Variants in FBN1 observed in about 807,000 individuals in gnomAD.
FBN1 encodes fibrillin 1.
Under a neutral mutation model 365.1 loss-of-function variants are expected in FBN1, and 29 were observed. The observed-to-expected ratio is 0.08, with a 90% CI of 0.06 to 0.11. The LOEUF is 0.11. Ranked by LOEUF, FBN1 falls within the 10% of genes least tolerant of loss-of-function variation. The pLI is 1.00. For missense variants in FBN1, 2,476 were observed against 3,703.2 expected (o/e 0.67, Z 8.60); for synonymous variants, 1,210 against 1,270.5 (o/e 0.95, Z 1.01).
intron 17 of FBN1, 138 bp downstream of exon 17, chr15:48,503,649 C>G (rs1231533311): frequency 3.8e-6 from 4 of 1,053,226 alleles, no homozygotes; most frequent in South Asian, 1.3e-5. Context: ...CACTGGCTGG[C>G]CTCTGCCAAG....
chr15:48,449,024 G>A (rs557502083), intron 45 of FBN1, 131 bp from the exon 46 acceptor site: 2 of 757,402 alleles, frequency 2.6e-6, no homozygotes, highest in African/African-American at 3.5e-5. Flanking sequence ...ATTTATTTTT[G>A]CATCAAAATG....
At chr15:48,640,088 C>T (rs1890172188) in intron 2 of FBN1, among the ~76,000 whole-genome samples, 1 of 152,014 alleles carries the variant, frequency 6.6e-6, no homozygotes, top group Non-Finnish European at 1.5e-5. Flanking sequence ...TTTAAAATTC[C>T]AAATAAGGTT....
rs2043150977 is a variant in FBN1 at position 48,445,429 on chromosome 15, T to C, written c.5864A>G (p.Gln1955Arg). The C allele has an allele frequency of 1.2e-6, 2 of 1,612,860 alleles. No homozygotes were observed. The highest frequency in any genetic ancestry group is 1.7e-4 in the Middle Eastern group (1 of 6,054). ...GQCINTVGSF[Q>R]CQCNEGYEVA... is the part of the protein sequence containing the mutation. Reference sequence around the variant, plus strand: ...CTCATAGCCTTCATTGCACTGGCACTGGAAAGACCCCACTGTATTAATGCA... The same window carrying C: ...CTCATAGCCTTCATTGCACTGGCACCGGAAAGACCCCACTGTATTAATGCA... Residue 1955 changes from glutamine (Q) to arginine (R), a missense_variant, in exon 48 of 66, where the codon CAG becomes CGG. Coordinates refer to ENST00000316623, the MANE Select transcript of FBN1 (RefSeq NM_000138.5).
At position 48,421,655 on chromosome 15, in the gene FBN1, C is replaced by A. The variant is rs1392530685; in HGVS notation, c.7602G>T (p.Leu2534=). The A allele has an allele frequency of 6.2e-7, 1 of 1,613,880 alleles. No homozygotes were observed. The change falls in exon 62 of 66, where the codon CTG becomes CTT. Residue 2534 remains leucine, a synonymous_variant. Transcript: ENST00000316623. ...DNNECTSDIN[L]CGSKGICQNT... Reference sequence around the variant, plus strand: ...TCTGGCAAATGCCCTTAGACCCGCACAGATTGATGTCAGAGGTGCATTCAT... The same window carrying A: ...TCTGGCAAATGCCCTTAGACCCGCAAAGATTGATGTCAGAGGTGCATTCAT...
Position 48,445,157 on chromosome 15 carries a change from C to CAT in FBN1, c.5917+217_5917+218dup, listed in dbSNP as rs1023878846. On this transcript the variant is annotated intron_variant, in intron 48 of 65. Coordinates refer to ENST00000316623, the MANE Select transcript of FBN1 (RefSeq NM_000138.5). ...ATATACACACACACATATATATATA[C>CAT]ATATATATATACACACATATATATA... Among the ~76,000 whole-genome samples, 53 of 135,270 alleles carry CAT rather than the reference C, an allele frequency of 3.9e-4. 1 individual carries two copies. The highest frequency in any genetic ancestry group is 5.1e-4 in the South Asian group (2 of 3,944). The allele number at this position is 135,270 out of a possible 152,430, so 88.7% of individuals were successfully genotyped here. A position where few individuals can be genotyped will look rare whatever the true frequency, so the allele number is the denominator to read the frequency against.
intron 2 of FBN1, among the ~76,000 whole-genome samples, chr15:48,623,069 A>G (rs908128185): frequency 2.6e-5 from 4 of 152,190 alleles, no homozygotes; most frequent in African/African-American, 9.7e-5. Flanking sequence ...TTACTCCCAG[A>G]GTAATAAATT....
intron 2 of FBN1, among the ~76,000 whole-genome samples, chr15:48,637,983 A>C (rs1890124641): frequency 6.6e-6 from 1 of 151,718 alleles, no homozygotes; most frequent in Non-Finnish European, 1.5e-5. Context: ...TTTCAATAAA[A>C]CTCTATTTTC....
intron 6 of FBN1, among the ~76,000 whole-genome samples, chr15:48,581,486 C>T (rs906855768): frequency 9.2e-5 from 14 of 152,182 alleles, no homozygotes; most frequent in African/African-American, 3.4e-4. Context: ...CAGACTCCTT[C>T]AGGACCAGAT....
At chr15:48,580,453 T>G (rs1411977636) in intron 6 of FBN1, among the ~76,000 whole-genome samples, 1 of 152,146 alleles carries the variant, frequency 6.6e-6, no homozygotes, top group Non-Finnish European at 1.5e-5. Context: ...TTCAGCCAAG[T>G]ATTATCTTCT....
intron 64 of FBN1, among the ~76,000 whole-genome samples, chr15:48,413,794 T>C (rs2057477882): frequency 6.6e-6 from 1 of 152,234 alleles, no homozygotes; most frequent in South Asian, 2.1e-4. Flanking sequence ...GAACTAATTT[T>C]CCTATATACC....
chr15:48,442,816 T>C lies in FBN1; in HGVS notation c.6038-970A>G, dbSNP rs75233375. On this transcript the variant is annotated intron_variant, in intron 49 of 65. Transcript: ENST00000316623. ...CCTCCTGACTTTCAGCAGGAATTTT[T>C]AGTGAACAAAGTGGTAAGTCTTAAT... Among the ~76,000 whole-genome samples, 1,208 of 152,342 alleles carry C rather than the reference T, an allele frequency of 7.9e-3. 15 individuals are homozygous for C. The highest frequency in any genetic ancestry group is 0.028 in the African/African-American group (1,153 of 41,580).
chr15:48,441,586 CATT>C, intron 50 of FBN1, 132 bp downstream of exon 50: 1 of 1,103,934 alleles, frequency 9.1e-7, no homozygotes, highest in Non-Finnish European at 1.4e-6. Flanking sequence ...ATATGGTTAT[CATT>C]AGACCTCTGG....
chr15:48,556,258 A>C (rs1433287767), intron 6 of FBN1, among the ~76,000 whole-genome samples: 1 of 152,130 alleles, frequency 6.6e-6, no homozygotes, highest in Non-Finnish European at 1.5e-5. Context: ...TTCATGACTC[A>C]CCTTCAATTT....
intron 18 of FBN1, among the ~76,000 whole-genome samples, 186 bp from the exon 19 acceptor site, chr15:48,497,577 C>T (rs1246511670): frequency 6.6e-6 from 1 of 152,158 alleles, no homozygotes; most frequent in Admixed American, 6.5e-5. Context: ...TCCAATCTTT[C>T]TCCCACAAGT....
intron 13 of FBN1, among the ~76,000 whole-genome samples, chr15:48,511,919 T>G (rs1160382411): frequency 6.6e-6 from 1 of 152,224 alleles, no homozygotes; most frequent in African/African-American, 2.4e-5. Flanking sequence ...GACATTGATT[T>G]CATTTTATTT....
chr15:48,533,633 G>T (rs188400272), intron 8 of FBN1, among the ~76,000 whole-genome samples: 1 of 152,206 alleles, frequency 6.6e-6, no homozygotes, highest in African/African-American at 2.4e-5. Flanking sequence ...TGTACTAGGA[G>T]CATAAATATA....
intron 6 of FBN1, among the ~76,000 whole-genome samples, chr15:48,583,949 T>C (rs755701776): frequency 6.6e-6 from 1 of 152,042 alleles, no homozygotes; most frequent in Non-Finnish European, 1.5e-5. Flanking sequence ...GAATAGGGGA[T>C]CCAAAAAATA....
intron 6 of FBN1, 112 bp downstream of exon 6, chr15:48,596,171 T>C: frequency 1.0e-6 from 1 of 977,294 alleles, no homozygotes. Context: ...AGAAATCCCC[T>C]CAAAGCTCAG....
chr15:48,558,115 T>TA (rs1345719943), intron 6 of FBN1, among the ~76,000 whole-genome samples: 1 of 152,198 alleles, frequency 6.6e-6, no homozygotes, highest in Non-Finnish European at 1.5e-5. Flanking sequence ...CCCCTCTCCC[T>TA]ATTTGAGGTC....
Sources: allele counts gnomAD v4.1 joint callset (sites outside exome capture counted in the v4.1 genomes callset), GRCh38; gene constraint gnomAD v4.1.1; transcripts MANE v1.5; gene names NCBI Gene and HGNC (gene_info 2026-07-23, HGNC 2026-07-21).